CNTN1: variants seen among roughly 807,000 people sequenced by gnomAD.
CNTN1 encodes the protein contactin 1, also known as contactin-1.
In CNTN1, 38 loss-of-function variants were observed where a neutral mutation model predicts 126.4. That is an observed-to-expected ratio of 0.30 (90% confidence interval 0.23 to 0.39). The LOEUF (loss-of-function observed/expected upper bound fraction) is 0.39, where lower values mean the gene tolerates loss of function less well. Among genes scored for constraint, CNTN1 ranks in the 10% least tolerant of loss-of-function variants. The pLI is 1.00. For synonymous variants in CNTN1, 413 were observed against 422.6 expected (o/e 0.98, Z 0.28); for missense variants, 1,009 against 1,248.4 (o/e 0.81, Z 2.89).
At chr12:40,705,552 T>C (rs1486188181) in intron 1 of CNTN1, among the ~76,000 whole-genome samples, 2 of 152,166 alleles carry the variant, frequency 1.3e-5, no homozygotes, top group Non-Finnish European at 2.9e-5. Flanking sequence ...TTATTATACT[T>C]TAAGTTTTAG....
Position 40,872,208 on chromosome 12 carries a change from TTGTTTGTGTGTGTGTGTG to T in CNTN1, c.-76-36145_-76-36128del, listed in dbSNP as rs1199441720. Among the ~76,000 whole-genome samples the T allele has an allele frequency of 7.1e-4, 88 of 124,136 alleles. 1 individual carries two copies. The highest frequency in any genetic ancestry group is 2.0e-3 in the African/African-American group (67 of 33,880). The allele number at this position is 124,136 out of a possible 152,430, so 81.4% of individuals were successfully genotyped here. On this transcript the variant is annotated intron_variant, in intron 1 of 23. Coordinates refer to ENST00000551295, the MANE Select transcript of CNTN1 (RefSeq NM_001843.4). ...ATTTCGGTAGGGTTTTTCCGTTGCTTTGTTTGTGTGTGTGTGTGTGTGTGTGTGTGTGTGTGTGTGTGT... is the reference window on the plus strand; with the variant it reads ...ATTTCGGTAGGGTTTTTCCGTTGCTTTGTGTGTGTGTGTGTGTGTGTGTGT...
chr12:41,025,439 C>G, intron 21 of CNTN1, 103 bp downstream of exon 21: 1 of 1,114,058 alleles, frequency 9.0e-7, no homozygotes, highest in Non-Finnish European at 1.4e-6. Context: ...TACCTGAGCA[C>G]ATTTTTCAAT....
intron 23 of CNTN1, among the ~76,000 whole-genome samples, chr12:41,067,024 TAGC>T (rs1487459976): frequency 6.6e-6 from 1 of 152,198 alleles, no homozygotes; most frequent in Non-Finnish European, 1.5e-5. Context: ...TTATGATTGA[TAGC>T]AGTATTCTGA....
chr12:41,015,292 T>G (rs1948755375), intron 18 of CNTN1, among the ~76,000 whole-genome samples: 1 of 152,144 alleles, frequency 6.6e-6, no homozygotes, highest in African/African-American at 2.4e-5. Context: ...AATTAGAACA[T>G]TTCGCTCTTT....
At chr12:40,747,860 A>C (rs1278558760) in intron 1 of CNTN1, among the ~76,000 whole-genome samples, 1 of 152,178 alleles carries the variant, frequency 6.6e-6, no homozygotes, top group East Asian at 1.9e-4. Flanking sequence ...CTTTGGTAAC[A>C]AAGGCTTCAA....
At chr12:40,934,755 C>T (rs547430402) in intron 9 of CNTN1, among the ~76,000 whole-genome samples, 4 of 152,120 alleles carry the variant, frequency 2.6e-5, no homozygotes, top group African/African-American at 9.6e-5. Flanking sequence ...TTTCTTCTCT[C>T]TTAATTGCAC....
At chr12:40,922,481 CAAG>C (rs1945478594) in intron 5 of CNTN1, 53 bp downstream of exon 5, 9 of 1,516,448 alleles carry the variant, frequency 5.9e-6, no homozygotes, top group South Asian at 1.1e-5. Flanking sequence ...GTGAGTTCAG[CAAG>C]AAGAACAATC....
chr12:40,808,829 A>G (rs1042815926), intron 1 of CNTN1, among the ~76,000 whole-genome samples: 1 of 152,142 alleles, frequency 6.6e-6, no homozygotes, highest in African/African-American at 2.4e-5. Context: ...ACGAACAAAT[A>G]AACAAACAAA....
At chr12:40,875,232 A>C (rs894873329) in intron 1 of CNTN1, among the ~76,000 whole-genome samples, 1 of 152,156 alleles carries the variant, frequency 6.6e-6, no homozygotes, top group Non-Finnish European at 1.5e-5. Flanking sequence ...GTAAATTTGC[A>C]TGTTGTTGTA....
At chr12:41,058,402 G>C (rs1323725609) in intron 23 of CNTN1, among the ~76,000 whole-genome samples, 1 of 152,038 alleles carries the variant, frequency 6.6e-6, no homozygotes, top group Non-Finnish European at 1.5e-5. Flanking sequence ...AAGAAGCCTG[G>C]CAATACTGAT....
chr12:40,906,286 T>A (rs150256842), intron 1 of CNTN1, among the ~76,000 whole-genome samples: 1 of 152,020 alleles, frequency 6.6e-6, no homozygotes, highest in Non-Finnish European at 1.5e-5. Flanking sequence ...AAAAAAAAAT[T>A]GCTTTTCATT....
intron 23 of CNTN1, among the ~76,000 whole-genome samples, chr12:41,038,147 G>A (rs1949310353): frequency 6.6e-6 from 1 of 152,012 alleles, no homozygotes; most frequent in African/African-American, 2.4e-5. Context: ...CAGAGTGAGA[G>A]TCCATCTCAA....
At chr12:40,898,381 A>T (rs533078622) in intron 1 of CNTN1, among the ~76,000 whole-genome samples, 1 of 152,194 alleles carries the variant, frequency 6.6e-6, no homozygotes, top group Non-Finnish European at 1.5e-5. Flanking sequence ...TTACTTTGTT[A>T]TATATTCTTC....
chr12:40,707,055 CACACACACA>C (rs1591993577), intron 1 of CNTN1, among the ~76,000 whole-genome samples: 161 of 14,442 alleles, frequency 0.011, 1 homozygote, highest in Admixed American at 0.029. Context: ...CGCACACACA[CACACACACA>C]CACACACACA....
At chr12:40,902,985 G>A (rs185764251) in intron 1 of CNTN1, among the ~76,000 whole-genome samples, 2 of 152,182 alleles carry the variant, frequency 1.3e-5, no homozygotes, top group East Asian at 1.9e-4. Context: ...AAAGAAAGAC[G>A]AAGATGTGTC....
intron 1 of CNTN1, among the ~76,000 whole-genome samples, chr12:40,794,543 A>T (rs1401890621): frequency 2.6e-5 from 4 of 152,008 alleles, no homozygotes; most frequent in Non-Finnish European, 5.9e-5. Context: ...TACCTAAATG[A>T]TATATTGCCA....
At chr12:40,943,460 A>G (rs1049600343) in intron 12 of CNTN1, 137 bp from the exon 13 acceptor site, 18 of 664,714 alleles carry the variant, frequency 2.7e-5, no homozygotes, top group Non-Finnish European at 4.3e-5. Flanking sequence ...AGAATTTGTC[A>G]TCTTACAAAA....
Position 40,908,362 on chromosome 12 carries a change from T to C in CNTN1, c.-71T>C. ...TCTTTTCTTTCTTGATGCAGGTGTT[T>C]AAAATTATCCAACTGCCATAGAGCT... On this transcript the variant is annotated 5_prime_UTR_variant, in exon 2 of 24. Transcript: ENST00000551295. 3.4e-6 allele frequency: 4 copies of C among 1,173,522 alleles called. No homozygotes were observed. Among genetic ancestry groups the C allele is most frequent in the Non-Finnish European group, 5.1e-6 (4 of 784,858 alleles). The allele number at this position is 1,173,522 out of a possible 1,614,324, so 72.7% of individuals were successfully genotyped here. A position where few individuals can be genotyped will look rare whatever the true frequency, so the allele number is the denominator to read the frequency against.
chr12:40,692,645 C>T (rs2121066513), intron 1 of CNTN1, 53 bp downstream of exon 1: 1 of 152,810 alleles, frequency 6.5e-6, no homozygotes, highest in African/African-American at 2.4e-5. Flanking sequence ...ATGCGCATTT[C>T]CATGCTGTTG....
Sources: allele counts gnomAD v4.1 joint callset (sites outside exome capture counted in the v4.1 genomes callset), GRCh38; gene constraint gnomAD v4.1.1; transcripts MANE v1.5; gene names NCBI Gene and HGNC (gene_info 2026-07-23, HGNC 2026-07-21).